Variants in IFT88 observed in about 807,000 individuals in gnomAD.
IFT88 encodes intraflagellar transport protein 88 homolog.
In IFT88, 74 loss-of-function variants were observed where a neutral mutation model predicts 119.5. The ratio of observed to expected loss-of-function variants is 0.62; its 90% CI spans 0.51 to 0.75. IFT88 has a LOEUF of 0.75. Among genes scored for constraint, IFT88 ranks in the 30% least tolerant of loss-of-function variants. IFT88 has a pLI of 0.00. For missense variants in IFT88, 961 were observed against 977.7 expected (o/e 0.98, Z 0.23); for synonymous variants, 279 against 316.7 (o/e 0.88, Z 1.26).
At chr13:20,593,138 A>T (rs1235382036) in intron 7 of IFT88, among the ~76,000 whole-genome samples, 3 of 152,222 alleles carry the variant, frequency 2.0e-5, no homozygotes, top group African/African-American at 7.2e-5. Flanking sequence ...AATTTTTTAT[A>T]GAACAAACTT....
intron 1 of IFT88, chr13:20,567,597 A>T (rs551461370): frequency 1.5e-5 from 5 of 330,748 alleles, no homozygotes; most frequent in Non-Finnish European, 2.2e-5. Flanking sequence ...CTTAAAACCC[A>T]GTTAGATTAC....
chr13:20,582,862 T>C (rs2038967380), intron 2 of IFT88, 95 bp from the exon 3 acceptor site: 1 of 900,170 alleles, frequency 1.1e-6, no homozygotes, highest in Admixed American at 2.1e-5. Flanking sequence ...ATAGATGAGT[T>C]ATAGAGGCTC....
intron 24 of IFT88, among the ~76,000 whole-genome samples, chr13:20,687,929 C>A (rs1594955024): frequency 1.3e-5 from 2 of 152,248 alleles, no homozygotes; most frequent in African/African-American, 2.4e-5. Context: ...TCATGGGGAC[C>A]AAGAGATAAG....
intron 12 of IFT88, among the ~76,000 whole-genome samples, chr13:20,604,540 T>C (rs1162239187): frequency 6.6e-6 from 1 of 152,176 alleles, no homozygotes; most frequent in Admixed American, 6.5e-5. Flanking sequence ...GTTAGTTCAA[T>C]GGAGAATGTG....
chr13:20,583,299 A>G (rs978321284), intron 3 of IFT88, among the ~76,000 whole-genome samples: 12 of 152,320 alleles, frequency 7.9e-5, no homozygotes, highest in Admixed American at 4.6e-4. Flanking sequence ...GATACCTTAC[A>G]TAAGTGGAGT....
At position 20,637,644 on chromosome 13, in the gene IFT88, C is replaced by G. The variant is rs182652972; in HGVS notation, c.1387-688C>G. Among the ~76,000 whole-genome samples, 12 of 152,310 alleles carry G rather than the reference C, an allele frequency of 7.9e-5. No homozygotes were observed. In the East Asian group the frequency reaches 2.1e-3, roughly 27 times the overall value. ...GAGGAGAAGCTGGTACCCATGGACA[C>G]TTCTGTGTCAGACCTGCATCTGATG... On this transcript the variant is annotated intron_variant, in intron 16 of 25. Transcript: ENST00000351808.
intron 2 of IFT88, among the ~76,000 whole-genome samples, chr13:20,578,710 C>T (rs534598935): frequency 6.6e-5 from 10 of 152,120 alleles, no homozygotes; most frequent in Admixed American, 2.0e-4. Flanking sequence ...CCACCACGCC[C>T]GGCTAATGAT....
intron 20 of IFT88, among the ~76,000 whole-genome samples, chr13:20,645,374 G>A (rs1327424984): frequency 6.6e-6 from 1 of 152,168 alleles, no homozygotes; most frequent in East Asian, 1.9e-4. Context: ...ACAGGCATGA[G>A]CCACCGCGCC....
At chr13:20,678,192 C>T (rs957343838) in intron 24 of IFT88, among the ~76,000 whole-genome samples, 3 of 152,196 alleles carry the variant, frequency 2.0e-5, no homozygotes, top group African/African-American at 4.8e-5. Flanking sequence ...AAACTATTCT[C>T]TCACACATGG....
chr13:20,626,531 C>T (rs148900444), intron 15 of IFT88, among the ~76,000 whole-genome samples: 73 of 152,274 alleles, frequency 4.8e-4, no homozygotes, highest in African/African-American at 1.6e-3. Context: ...AGGAGTCTGC[C>T]ATCCTCACCA....
intron 14 of IFT88, among the ~76,000 whole-genome samples, chr13:20,620,606 G>A (rs947143039): frequency 1.3e-5 from 2 of 151,978 alleles, no homozygotes; most frequent in South Asian, 2.1e-4. Context: ...TTACTCTGTC[G>A]CCAGGCTGGA....
chr13:20,659,825 G>A (rs1202599257), intron 22 of IFT88, among the ~76,000 whole-genome samples: 1 of 151,976 alleles, frequency 6.6e-6, no homozygotes, highest in African/African-American at 2.4e-5. Context: ...TGTAGTTTTA[G>A]TAGGGATGGG....
intron 16 of IFT88, among the ~76,000 whole-genome samples, chr13:20,634,775 A>AT (rs978300494): frequency 1.4e-5 from 2 of 148,040 alleles, no homozygotes; most frequent in Non-Finnish European, 3.0e-5. Flanking sequence ...CTCAGGAACA[A>AT]TTTCTTCTTG....
At chr13:20,625,652 C>T in intron 14 of IFT88, 98 bp from the exon 15 acceptor site, 2 of 732,058 alleles carry the variant, frequency 2.7e-6, no homozygotes, top group South Asian at 3.4e-5. Context: ...GTACTAGGGA[C>T]CCTTTAAAAA....
chr13:20,577,134 G>A (rs2037544227), intron 2 of IFT88, among the ~76,000 whole-genome samples: 1 of 152,112 alleles, frequency 6.6e-6, no homozygotes, highest in Non-Finnish European at 1.5e-5. Context: ...TATTCTAAAT[G>A]GGATTACTTT....
chr13:20,640,993 A>G (rs1237245303), intron 17 of IFT88, among the ~76,000 whole-genome samples: 1 of 152,108 alleles, frequency 6.6e-6, no homozygotes, highest in East Asian at 1.9e-4. Flanking sequence ...TAAAAATACA[A>G]AAAATTAGCT....
chr13:20,631,268 G>A (rs1346035334), intron 16 of IFT88, 166 bp downstream of exon 16: 1 of 558,940 alleles, frequency 1.8e-6, no homozygotes, highest in Non-Finnish European at 3.2e-6. Flanking sequence ...GCCAGGGGCT[G>A]AGTTGGCAGA....
chr13:20,598,425 A>G (rs2042099192), intron 9 of IFT88, among the ~76,000 whole-genome samples: 1 of 152,194 alleles, frequency 6.6e-6, no homozygotes, highest in East Asian at 1.9e-4. Flanking sequence ...ACTAAATTAA[A>G]TAGAATACAT....
chr13:20,622,407 A>T (rs1287259444), intron 14 of IFT88, among the ~76,000 whole-genome samples: 2 of 152,012 alleles, frequency 1.3e-5, no homozygotes, highest in African/African-American at 2.4e-5. Flanking sequence ...AAACTGCCAA[A>T]CTCTTTCAAA....
Sources: gnomAD v4.1 joint callset for allele counts (sites outside exome capture counted in the v4.1 genomes callset) on GRCh38, gnomAD v4.1.1 for gene constraint, MANE v1.5 for transcripts, NCBI Gene and HGNC (gene_info 2026-07-23, HGNC 2026-07-21) for gene names.